Variants in UNC79 observed in about 807,000 individuals in gnomAD.
UNC79 encodes unc-79 subunit of NALCN channel complex.
A neutral mutation model predicts 283.1 loss-of-function variants in UNC79; 37 were observed. The ratio of observed to expected loss-of-function variants is 0.13; its 90% confidence interval spans 0.10 to 0.17. The LOEUF (loss-of-function observed/expected upper bound fraction) is 0.17. Among genes scored for constraint, UNC79 ranks in the 10% least tolerant of loss-of-function variants. The pLI, the probability that UNC79 is intolerant of heterozygous loss-of-function variation, is 1.00. For missense variants in UNC79, 2,272 were observed against 3,211.1 expected (o/e 0.71, Z 7.07); for synonymous variants, 1,107 against 1,200.2 (o/e 0.92, Z 1.61).
upstream of UNC79, among the ~76,000 whole-genome samples, chr14:93,426,523 C>T (rs1250858896): frequency 6.6e-6 from 1 of 151,498 alleles, no homozygotes; most frequent in Non-Finnish European, 1.5e-5. Context: ...TATTGTCTCA[C>T]AGGCCCCAGG....
At chr14:93,473,175 G>T (rs770637619) in intron 2 of UNC79, among the ~76,000 whole-genome samples, 1 of 151,778 alleles carries the variant, frequency 6.6e-6, no homozygotes, top group Admixed American at 6.6e-5. Flanking sequence ...GAATAATAAC[G>T]TAAGTAGCAG....
chr14:93,628,948 G>A (rs577258415), intron 30 of UNC79, among the ~76,000 whole-genome samples: 2 of 152,170 alleles, frequency 1.3e-5, no homozygotes, highest in South Asian at 2.1e-4. Context: ...CCTGTAATCC[G>A]AGCACTTTGG....
chr14:93,442,208 T>C (rs1051940139), intron 1 of UNC79, among the ~76,000 whole-genome samples: 1 of 152,150 alleles, frequency 6.6e-6, no homozygotes, highest in Non-Finnish European at 1.5e-5. Flanking sequence ...GTATGTCCTT[T>C]CAATAAGTTC....
intron 1 of UNC79, among the ~76,000 whole-genome samples, chr14:93,398,882 T>G (rs1172092718): frequency 6.6e-6 from 1 of 152,054 alleles, no homozygotes; most frequent in Non-Finnish European, 1.5e-5. Context: ...GAGTATGAAA[T>G]GGAATGGTGT....
intron 1 of UNC79, among the ~76,000 whole-genome samples, chr14:93,339,580 T>G (rs1031082567): frequency 6.6e-6 from 1 of 152,244 alleles, no homozygotes; most frequent in Non-Finnish European, 1.5e-5. Context: ...ATTACAGGCG[T>G]GAGCCACTGC....
chr14:93,612,431 G>A (rs1425583002), intron 26 of UNC79, among the ~76,000 whole-genome samples: 4 of 152,146 alleles, frequency 2.6e-5, no homozygotes, highest in African/African-American at 4.8e-5. Flanking sequence ...AAAGCTGGAA[G>A]GGAAACTTCC....
intron 7 of UNC79, among the ~76,000 whole-genome samples, chr14:93,517,855 T>C (rs566522195): frequency 2.6e-5 from 4 of 151,996 alleles, no homozygotes; most frequent in Non-Finnish European, 5.9e-5. Flanking sequence ...CCCCCTGTTA[T>C]ATTTTTCACT....
chr14:93,650,290 A>G (rs910354860), intron 35 of UNC79, among the ~76,000 whole-genome samples: 1 of 152,176 alleles, frequency 6.6e-6, no homozygotes, highest in Non-Finnish European at 1.5e-5. Flanking sequence ...AGCCCTTTTT[A>G]AAACAAGTGT....
intron 1 of UNC79, chr14:93,348,353 G>T (rs1245622622): frequency 2.6e-5 from 12 of 466,584 alleles, no homozygotes; most frequent in Non-Finnish European, 4.2e-5. Flanking sequence ...TTCGTGCTTG[G>T]TAATATGTGT....
chr14:93,562,361 C>T (rs1219651504), intron 14 of UNC79, among the ~76,000 whole-genome samples: 5 of 152,202 alleles, frequency 3.3e-5, no homozygotes, highest in Middle Eastern at 6.8e-3. Flanking sequence ...TCTATCCTGC[C>T]GGAGGACTGG....
Position 93,459,739 on chromosome 14 carries a change from C to T in UNC79, c.23-7932C>T, listed in dbSNP as rs1290494293. On this transcript the variant is annotated intron_variant, in intron 1 of 48. Transcript: ENST00000555664. ...AAGCTGGACTGCAGTGGCGCTATCC[C>T]GGCTCACTGCAAGCTCCGCCTCTTG... 4.0e-4 allele frequency among the ~76,000 whole-genome samples: 46 copies of T among 116,034 alleles called. 1 individual carries two copies. Among genetic ancestry groups the T allele is most frequent in the African/African-American group, 1.5e-3 (44 of 29,382 alleles). The allele number at this position is 116,034 out of a possible 152,430, so 76.1% of individuals were successfully genotyped here.
chr14:93,547,834 T>TA lies in UNC79; in HGVS notation c.1755+5148dup, dbSNP rs995013657. Among the ~76,000 whole-genome samples the TA allele has an allele frequency of 1.9e-3, 277 of 148,448 alleles. 2 individuals carry two copies. Among genetic ancestry groups the TA allele is most frequent in the African/African-American group, 5.7e-3 (232 of 40,518 alleles). On this transcript the variant is annotated intron_variant, in intron 14 of 48. Transcript: ENST00000555664. Reference sequence around the variant, plus strand: ...AGGGAGACCTTGTCTCTACAAAAAATAAAAAAAAAATTATCCTGGCATGTT... The same window carrying TA: ...AGGGAGACCTTGTCTCTACAAAAAATAAAAAAAAAAATTATCCTGGCATGTT...
chr14:93,673,052 G>A (rs1005113703), intron 40 of UNC79, among the ~76,000 whole-genome samples: 1 of 152,190 alleles, frequency 6.6e-6, no homozygotes, highest in South Asian at 2.1e-4. Context: ...AATTGCTGCA[G>A]TTCTTGGAAC....
intron 1 of UNC79, among the ~76,000 whole-genome samples, chr14:93,372,976 C>G (rs965538098): frequency 6.6e-6 from 1 of 152,146 alleles, no homozygotes; most frequent in Non-Finnish European, 1.5e-5. Context: ...GCTCTCAGAT[C>G]ACAATGAAAC....
chr14:93,523,904 G>A (rs1481276195), intron 7 of UNC79, 74 bp from the exon 8 acceptor site: 6 of 1,506,862 alleles, frequency 4.0e-6, no homozygotes, highest in Middle Eastern at 1.7e-4. Context: ...AAAGAAAATA[G>A]TAAAATATCT....
chr14:93,499,215 G>A (rs1316398316), intron 7 of UNC79, among the ~76,000 whole-genome samples: 1 of 152,150 alleles, frequency 6.6e-6, no homozygotes, highest in African/African-American at 2.4e-5. Flanking sequence ...TGGTATCATA[G>A]GTGCTGTATA....
chr14:93,547,943 C>T (rs1020191550), intron 14 of UNC79, among the ~76,000 whole-genome samples: 13 of 152,050 alleles, frequency 8.5e-5, no homozygotes, highest in African/African-American at 2.7e-4. Context: ...GCCATGATCA[C>T]GCACTTGCAC....
At chr14:93,537,876 C>A in intron 11 of UNC79, 113 bp from the exon 12 acceptor site, 3 of 985,072 alleles carry the variant, frequency 3.0e-6, no homozygotes, top group Non-Finnish European at 4.4e-6. Flanking sequence ...AAACTAGTGG[C>A]CCTTGAATGT....
intron 1 of UNC79, among the ~76,000 whole-genome samples, chr14:93,433,737 A>T (rs1276447721): frequency 6.6e-6 from 1 of 152,198 alleles, no homozygotes; most frequent in African/African-American, 2.4e-5. Flanking sequence ...ATGTTGATAA[A>T]GGTTTCACTG....
Sources: allele counts gnomAD v4.1 joint callset (sites outside exome capture counted in the v4.1 genomes callset), GRCh38; gene constraint gnomAD v4.1.1; transcripts MANE v1.5; gene names NCBI Gene and HGNC (gene_info 2026-07-23, HGNC 2026-07-21).